Variants in ARHGAP21 observed in about 807,000 individuals in gnomAD.
ARHGAP21 encodes Rho GTPase activating protein 21, also known as rho GTPase-activating protein 21.
ARHGAP21 carries 38 observed loss-of-function variants against 164.6 expected under a neutral mutation model. The ratio of observed to expected loss-of-function variants is 0.23; its 90% confidence interval spans 0.18 to 0.30. ARHGAP21 has a LOEUF of 0.30. ARHGAP21 is among the 10% of genes least tolerant of loss of function. ARHGAP21 has a pLI of 1.00. For synonymous variants in ARHGAP21, 766 were observed against 857.9 expected (o/e 0.89, Z 1.87); for missense variants, 1,822 against 2,370.7 (o/e 0.77, Z 4.81).
intron 17 of ARHGAP21, chr10:24,596,332 A>G (rs1564970762): frequency 4.6e-6 from 2 of 432,212 alleles, no homozygotes; most frequent in South Asian, 5.3e-5. Flanking sequence ...CCGCTGAATA[A>G]AGAGTCAAGA....
chr10:24,619,844 G>A lies in ARHGAP21; in HGVS notation c.2051C>T (p.Ser684Phe), dbSNP rs140335265. 6 of 1,614,092 alleles carry A rather than the reference G, an allele frequency of 3.7e-6. No individual in the cohort carries two copies. The highest frequency in any genetic ancestry group is 5.1e-6 in the Non-Finnish European group (6 of 1,180,050). The change falls in exon 9 of 26, where the codon TCT becomes TTT. Residue 684 changes from serine to phenylalanine, a missense_variant. By Grantham distance (155) the Ser-to-Phe change is radical. Coordinates refer to ENST00000396432, the MANE Select transcript of ARHGAP21 (RefSeq NM_020824.4). ...DQQVETGKSPSLSGASAKPAP... is the reference protein window; with the variant it reads ...DQQVETGKSPFLSGASAKPAP... ...AGGCTTGGCAGAGGCTCCAGATAAAGAGGGGGATTTCCCAGTCTCCACTTG... is the reference window on the plus strand; with the variant it reads ...AGGCTTGGCAGAGGCTCCAGATAAAAAGGGGGATTTCCCAGTCTCCACTTG...
At chr10:24,717,242 G>A (rs773354953) in intron 2 of ARHGAP21, among the ~76,000 whole-genome samples, 8 of 152,192 alleles carry the variant, frequency 5.3e-5, no homozygotes, top group Non-Finnish European at 1.2e-4. Context: ...ATAATCAAGA[G>A]AGTATAATGT....
intron 25 of ARHGAP21, among the ~76,000 whole-genome samples, chr10:24,588,206 G>T (rs1435586770): frequency 6.6e-6 from 1 of 152,202 alleles, no homozygotes; most frequent in Admixed American, 6.5e-5. Flanking sequence ...AGTTTCCTGA[G>T]TATGAAAATT....
At chr10:24,708,840 C>T (rs749026020) in intron 2 of ARHGAP21, among the ~76,000 whole-genome samples, 4 of 152,196 alleles carry the variant, frequency 2.6e-5, no homozygotes, top group Non-Finnish European at 2.9e-5. Flanking sequence ...TATTCCTCCA[C>T]TGATGGACAC....
intron 4 of ARHGAP21, among the ~76,000 whole-genome samples, chr10:24,653,572 C>T (rs939417089): frequency 1.8e-4 from 22 of 125,388 alleles, no homozygotes; most frequent in African/African-American, 6.5e-4. Context: ...GACTCTGTCT[C>T]AAAAAAAAAA....
intron 7 of ARHGAP21, chr10:24,629,182 T>G (rs1428820995): frequency 6.7e-6 from 1 of 149,350 alleles, no homozygotes; most frequent in East Asian, 2.0e-4. Context: ...TTAGTAGAGA[T>G]AGGGTAGAGA....
chr10:24,715,029 CA>C (rs66519158), intron 2 of ARHGAP21, among the ~76,000 whole-genome samples: 9 of 143,422 alleles, frequency 6.3e-5, no homozygotes, highest in Admixed American at 7.0e-5. Flanking sequence ...GAGTCCATCT[CA>C]AAAAAAAAAA....
intron 4 of ARHGAP21, among the ~76,000 whole-genome samples, chr10:24,660,165 C>T (rs768618612): frequency 1.3e-5 from 2 of 151,882 alleles, no homozygotes; most frequent in Non-Finnish European, 1.5e-5. Flanking sequence ...AAAAAACATA[C>T]CTAATTAGTA....
intron 4 of ARHGAP21, among the ~76,000 whole-genome samples, chr10:24,652,266 A>T (rs1838255250): frequency 1.3e-5 from 2 of 152,224 alleles, no homozygotes; most frequent in South Asian, 4.1e-4. Flanking sequence ...TTTCCACAAA[A>T]TAGTGTGGGG....
chr10:24,664,882 T>C (rs1027494323), intron 4 of ARHGAP21, among the ~76,000 whole-genome samples: 2 of 152,184 alleles, frequency 1.3e-5, no homozygotes, highest in Admixed American at 1.3e-4. Flanking sequence ...TATTCAAGTT[T>C]ATTCTCCCTA....
At chr10:24,678,280 G>A (rs990496260) in intron 2 of ARHGAP21, among the ~76,000 whole-genome samples, 3 of 152,014 alleles carry the variant, frequency 2.0e-5, no homozygotes, top group African/African-American at 7.3e-5. Flanking sequence ...ACCTGTACTC[G>A]TTGTGTGTTT....
rs557956053 is a variant in ARHGAP21 at position 24,712,295 on chromosome 10, C to A, written c.63+9542G>T. ...AAAGGCAGATGGAGACTTGGGCATGCAGTGGAGAAGGCCATGTACGGACAG... is the reference window on the plus strand; with the variant it reads ...AAAGGCAGATGGAGACTTGGGCATGAAGTGGAGAAGGCCATGTACGGACAG... On this transcript the variant is annotated intron_variant, in intron 2 of 25. Coordinates refer to ENST00000396432, the MANE Select transcript of ARHGAP21 (RefSeq NM_020824.4). Among the ~76,000 whole-genome samples, 4 of 152,206 alleles carry A rather than the reference C, an allele frequency of 2.6e-5. No individual in the cohort carries two copies. In the South Asian group the frequency reaches 8.3e-4, roughly 32 times the overall value.
chr10:24,668,400 C>T (rs1840393324), intron 3 of ARHGAP21, among the ~76,000 whole-genome samples: 1 of 152,302 alleles, frequency 6.6e-6, no homozygotes, highest in Admixed American at 6.5e-5. Flanking sequence ...CTGTTCGATT[C>T]ACAGGTGTGC....
At chr10:24,639,321 T>A (rs1477549723) in intron 4 of ARHGAP21, among the ~76,000 whole-genome samples, 37 of 152,222 alleles carry the variant, frequency 2.4e-4, no homozygotes, top group Non-Finnish European at 3.5e-4. Context: ...GAATGATTTG[T>A]ATGTGCCCCC....
chr10:24,635,006 A>G lies in ARHGAP21; in HGVS notation c.361+5T>C, dbSNP rs187112156. The stretch of plus-strand genomic sequence containing the variant: ...AACGTATTGTTTAAAGAAGAATATC[A>G]GCACCTGTACATAATCCAGCTTCAA... On this transcript the variant is annotated splice_donor_5th_base_variant and intron_variant, in intron 5 of 25. Transcript: ENST00000396432. 3 of 1,532,608 alleles carry G rather than the reference A, an allele frequency of 2.0e-6. No homozygotes were observed. The highest frequency in any genetic ancestry group is 1.3e-5 in the South Asian group (1 of 79,464). 94.9% of individuals were successfully genotyped at this position (1,532,608 alleles called of 1,614,324 possible). A position where few individuals can be genotyped will look rare whatever the true frequency, so the allele number is the denominator to read the frequency against.
At position 24,585,072 on chromosome 10, in the gene ARHGAP21, T is replaced by C. The variant is rs1228929308; in HGVS notation, c.5217A>G (p.Lys1739=). 6.2e-7 allele frequency: 1 copy of C among 1,613,772 alleles called. No homozygotes were observed. The highest frequency in any genetic ancestry group is 1.7e-5 in the Admixed American group (1 of 59,942). The part of the protein sequence containing the change: ...SLTKVFDVMK[K]GKSTGSLLTP... ...TCAGTAAACTCCCAGTTGACTTTCC[T>C]TTTTTCATAACATCAAACACTTTAG... Residue 1739 remains lysine (K), a synonymous_variant, in exon 26 of 26, where the codon AAA becomes AAG. Coordinates refer to ENST00000396432, the MANE Select transcript of ARHGAP21 (RefSeq NM_020824.4).
chr10:24,715,115 T>C (rs1451744811), intron 2 of ARHGAP21, among the ~76,000 whole-genome samples: 1 of 152,202 alleles, frequency 6.6e-6, no homozygotes, highest in Non-Finnish European at 1.5e-5. Context: ...TTTTTAGTAT[T>C]GTTTTAAGCA....
At chr10:24,668,436 G>A (rs558284602) in intron 3 of ARHGAP21, among the ~76,000 whole-genome samples, 12 of 152,248 alleles carry the variant, frequency 7.9e-5, no homozygotes, top group East Asian at 1.9e-4. Flanking sequence ...CTGAACAAGC[G>A]TGGCTGTGTG....
intron 23 of ARHGAP21, 96 bp from the exon 24 acceptor site, chr10:24,591,426 A>G (rs1279037596): frequency 1.7e-6 from 2 of 1,193,438 alleles, no homozygotes; most frequent in African/African-American, 3.1e-5. Context: ...TACTAAGTAA[A>G]GCACCTGTGC....
Sources: allele counts gnomAD v4.1 joint callset (sites outside exome capture counted in the v4.1 genomes callset), GRCh38; gene constraint gnomAD v4.1.1; transcripts MANE v1.5; gene names NCBI Gene and HGNC (gene_info 2026-07-23, HGNC 2026-07-21).